Variants in SCFD2 observed in about 807,000 individuals in gnomAD.
SCFD2 encodes the protein sec1 family domain-containing protein 2.
SCFD2 carries 54 observed loss-of-function variants against 58.9 expected under a neutral mutation model. The ratio of observed to expected loss-of-function variants is 0.92; its 90% CI spans 0.74 to 1.15. The LOEUF (loss-of-function observed/expected upper bound fraction) is 1.15, where lower values mean the gene tolerates loss of function less well. SCFD2 is among the 50% of genes most tolerant of loss of function. SCFD2 has a pLI of 0.00. For synonymous variants in SCFD2, 321 were observed against 335.9 expected (o/e 0.96, Z 0.49); for missense variants, 805 against 836.6 (o/e 0.96, Z 0.47).
intron 7 of SCFD2, among the ~76,000 whole-genome samples, chr4:52,906,206 C>T (rs572658028): frequency 6.6e-6 from 1 of 152,314 alleles, no homozygotes; most frequent in African/African-American, 2.4e-5. Flanking sequence ...GACTGCACCA[C>T]AGACACAGCA....
At chr4:53,169,286 C>G (rs1333050043) in intron 4 of SCFD2, among the ~76,000 whole-genome samples, 2 of 152,082 alleles carry the variant, frequency 1.3e-5, no homozygotes, top group African/African-American at 4.8e-5. Context: ...ATCTCTTGAA[C>G]CTGGGAGGCA....
At chr4:53,355,577 A>T (rs1734377547) in intron 1 of SCFD2, among the ~76,000 whole-genome samples, 1 of 152,128 alleles carries the variant, frequency 6.6e-6, no homozygotes, top group African/African-American at 2.4e-5. Flanking sequence ...TCTTTACATA[A>T]ATGATCCTAT....
At chr4:53,253,260 G>T (rs368711089) in intron 4 of SCFD2, among the ~76,000 whole-genome samples, 18 of 152,168 alleles carry the variant, frequency 1.2e-4, no homozygotes, top group East Asian at 9.6e-4. Flanking sequence ...AGAGGATGTG[G>T]AGAAATAGGA....
intron 8 of SCFD2, among the ~76,000 whole-genome samples, chr4:52,875,240 C>T (rs1718443381): frequency 1.3e-5 from 2 of 152,176 alleles, no homozygotes; most frequent in African/African-American, 4.8e-5. Context: ...TGGCTTCTTT[C>T]ATGGTGACCC....
chr4:53,213,827 C>T (rs560293952), intron 4 of SCFD2, among the ~76,000 whole-genome samples: 1 of 152,138 alleles, frequency 6.6e-6, no homozygotes, highest in Non-Finnish European at 1.5e-5. Flanking sequence ...CACGACAGGC[C>T]CTGGTGTGTG....
At chr4:52,992,167 C>T (rs1721626847) in intron 5 of SCFD2, among the ~76,000 whole-genome samples, 1 of 152,322 alleles carries the variant, frequency 6.6e-6, no homozygotes, top group East Asian at 1.9e-4. Context: ...CCTGGGATTG[C>T]AGGAGCGCGC....
intron 5 of SCFD2, among the ~76,000 whole-genome samples, chr4:52,980,940 A>G (rs1721364446): frequency 6.6e-6 from 1 of 152,126 alleles, no homozygotes; most frequent in Non-Finnish European, 1.5e-5. Context: ...CATAGCCTAT[A>G]TTGGTGTAGT....
chr4:53,262,227 T>G (rs975846447), intron 4 of SCFD2, among the ~76,000 whole-genome samples: 19 of 152,150 alleles, frequency 1.2e-4, no homozygotes, highest in South Asian at 2.1e-4. Context: ...ATCTTTTAAG[T>G]GGAGCATTTA....
chr4:53,297,112 C>A (rs945988341), intron 3 of SCFD2, among the ~76,000 whole-genome samples: 1 of 152,190 alleles, frequency 6.6e-6, no homozygotes, highest in Non-Finnish European at 1.5e-5. Flanking sequence ...AATGTATATT[C>A]TGTTAATTTG....
At chr4:53,009,272 T>C (rs1350550683) in intron 5 of SCFD2, among the ~76,000 whole-genome samples, 1 of 152,220 alleles carries the variant, frequency 6.6e-6, no homozygotes, top group Non-Finnish European at 1.5e-5. Flanking sequence ...TAGAGTCCTA[T>C]CTTCCCAGAA....
chr4:53,248,497 T>A lies in SCFD2; in HGVS notation c.1311+25329A>T, dbSNP rs373499155. 9.8e-5 allele frequency among the ~76,000 whole-genome samples: 15 copies of A among 152,320 alleles called. No individual in the cohort carries two copies. The East Asian group carries it at 2.1e-3, about 22-fold the overall frequency. On this transcript the variant is annotated intron_variant, in intron 4 of 8. Coordinates refer to ENST00000401642, the MANE Select transcript of SCFD2 (RefSeq NM_152540.4). Reference sequence around the variant, plus strand: ...GCACAGACAAACAAAAAGACAGCAGTAACCTCTGCAGACTTAAATGTCCCT... The same window carrying A: ...GCACAGACAAACAAAAAGACAGCAGAAACCTCTGCAGACTTAAATGTCCCT...
intron 4 of SCFD2, among the ~76,000 whole-genome samples, chr4:53,240,038 CCTT>C (rs1322364391): frequency 6.6e-6 from 1 of 152,186 alleles, no homozygotes; most frequent in Non-Finnish European, 1.5e-5. Context: ...AGATCACCCT[CCTT>C]AACTTATGAA....
intron 1 of SCFD2, among the ~76,000 whole-genome samples, chr4:53,353,478 G>C (rs573360594): frequency 1.3e-5 from 2 of 152,130 alleles, no homozygotes; most frequent in East Asian, 1.9e-4. Context: ...CTGCTGTCTC[G>C]GGCAGCCTCC....
Position 53,352,742 on chromosome 4 carries a change from T to C in SCFD2, c.863A>G (p.Asn288Ser). 1 of 1,614,108 alleles carries C rather than the reference T, an allele frequency of 6.2e-7. No individual in the cohort carries two copies. The highest frequency in any genetic ancestry group is 1.1e-5 in the South Asian group (1 of 91,072). ...TGCTGAAATGATCTTCTCTACTAAG[T>C]TGTCTCCATGATGTCCAACTGCTCC... is the stretch of plus-strand genomic sequence containing the variant. ...LTGAVGHHGD[N>S]LVEKIISALP... is the part of the protein sequence containing the mutation. The change falls in exon 2 of 9, where the codon AAC becomes AGC. Residue 288 changes from asparagine to serine, a missense_variant. By Grantham distance (46) the Asn-to-Ser change is conservative (BLOSUM62 1). Around this residue, in one of 3 missense-constraint regions of SCFD2, gnomAD observed 633 missense variants for 646.8 expected, o/e 0.98. Coordinates refer to ENST00000401642, the MANE Select transcript of SCFD2 (RefSeq NM_152540.4).
At chr4:53,307,956 C>G (rs1447477983) in intron 3 of SCFD2, among the ~76,000 whole-genome samples, 1 of 152,186 alleles carries the variant, frequency 6.6e-6, no homozygotes, top group Admixed American at 6.5e-5. Flanking sequence ...AGGTTTCCCT[C>G]TAGTTCCCCT....
At chr4:53,047,738 A>G (rs370199181) in intron 5 of SCFD2, among the ~76,000 whole-genome samples, 1 of 152,200 alleles carries the variant, frequency 6.6e-6, no homozygotes, top group Non-Finnish European at 1.5e-5. Context: ...CAGGAATGGC[A>G]TATTTATTTC....
At chr4:53,246,869 G>A (rs904888376) in intron 4 of SCFD2, among the ~76,000 whole-genome samples, 18 of 151,470 alleles carry the variant, frequency 1.2e-4, no homozygotes, top group African/African-American at 4.4e-4. Flanking sequence ...AAACAAAAGA[G>A]CTCTGCACAG....
At chr4:53,017,093 G>C (rs1722231273) in intron 5 of SCFD2, among the ~76,000 whole-genome samples, 1 of 147,970 alleles carries the variant, frequency 6.8e-6, no homozygotes, top group Admixed American at 6.6e-5. Context: ...GGGCAACAGA[G>C]CGAGACTCCG....
chr4:53,287,589 T>C lies in SCFD2; in HGVS notation c.1136-13588A>G, dbSNP rs1004804389. On this transcript the variant is annotated intron_variant, in intron 3 of 8. Coordinates refer to ENST00000401642, the MANE Select transcript of SCFD2 (RefSeq NM_152540.4). ...CCTAAAACTCACCTGCAGGTGAAAGTCTCTCCCTACAAAAGCCACTCTATA... is the reference window on the plus strand; with the variant it reads ...CCTAAAACTCACCTGCAGGTGAAAGCCTCTCCCTACAAAAGCCACTCTATA... Among the ~76,000 whole-genome samples, 88 of 152,064 alleles carry C rather than the reference T, an allele frequency of 5.8e-4. 1 individual carries two copies. The highest frequency in any genetic ancestry group is 2.1e-3 in the African/African-American group (87 of 41,470).
Sources: allele counts gnomAD v4.1 joint callset (sites outside exome capture counted in the v4.1 genomes callset), GRCh38; gene constraint gnomAD v4.1.1; regional missense constraint gnomAD v4.1.1; transcripts MANE v1.5; gene names NCBI Gene and HGNC (gene_info 2026-07-23, HGNC 2026-07-21).